The following PFKL variants were observed in gnomAD, a reference collection of about 807,000 sequenced individuals.
PFKL encodes the protein ATP-dependent 6-phosphofructokinase, liver type.
Under a neutral mutation model 92.1 loss-of-function variants are expected in PFKL, and 74 were observed. The observed-to-expected ratio is 0.80, with a 90% CI of 0.67 to 0.97. The LOEUF is 0.97. Ranked by LOEUF, PFKL falls within the 50% of genes least tolerant of loss-of-function variation. The pLI, the probability that PFKL is intolerant of heterozygous loss-of-function variation, is 0.00. For missense variants in PFKL, 1,028 were observed against 1,116.6 expected, an observed-to-expected ratio of 0.92 and a Z score of 1.13; for synonymous variants, 494 against 456.4, an observed-to-expected ratio of 1.08 and a Z score of -1.05.
chr21:44,319,797 T>TC, intron 11 of PFKL: 1 of 511,988 alleles, frequency 2.0e-6, no homozygotes, highest in East Asian at 3.3e-5. Context: ...ACGTCTGGGT[T>TC]CCCATGCGTG....
chr21:44,309,626 C>T (rs1352152114), intron 2 of PFKL, among the ~76,000 whole-genome samples: 2 of 152,166 alleles, frequency 1.3e-5, no homozygotes, highest in Non-Finnish European at 2.9e-5. Context: ...CTGGCTGGCG[C>T]CTGGGCTCTG....
intron 2 of PFKL, chr21:44,307,203 C>A: frequency 1.1e-6 from 1 of 904,552 alleles, no homozygotes; most frequent in Non-Finnish European, 1.3e-6. Flanking sequence ...CACCCAGACC[C>A]GGGGGGCAGC....
At chr21:44,318,688 T>C in intron 10 of PFKL, 93 bp downstream of exon 10, 1 of 1,186,916 alleles carries the variant, frequency 8.4e-7, no homozygotes, top group South Asian at 2.3e-5. Context: ...CCCAGCACTG[T>C]GAGCACCGGA....
At position 44,311,043 on chromosome 21, in the gene PFKL, A is replaced by T. The variant is rs1433758461; in HGVS notation, c.197A>T (p.Lys66Met). The part of the protein sequence containing the change: ...EGLVEGGENI[K>M]QANWLSVSNI... ...CTCGTGGAGGGAGGTGAGAACATCAAGCAGGCCAACTGGCTGAGCGTCTCC... is the reference window on the plus strand; with the variant it reads ...CTCGTGGAGGGAGGTGAGAACATCATGCAGGCCAACTGGCTGAGCGTCTCC... Residue 66 changes from lysine to methionine, a missense_variant, in exon 3 of 22, where the codon AAG becomes ATG. By Grantham distance (95) the Lys-to-Met change is moderately conservative (BLOSUM62 -1). Transcript: ENST00000349048. 6.2e-7 allele frequency: 1 copy of T among 1,613,208 alleles called. No individual in the cohort carries two copies. The highest frequency in any genetic ancestry group is 8.5e-7 in the Non-Finnish European group (1 of 1,179,658).
intron 11 of PFKL, chr21:44,319,830 C>G (rs1467668741): frequency 1.6e-5 from 8 of 514,038 alleles, no homozygotes; most frequent in African/African-American, 1.5e-4. Flanking sequence ...ACCAAGGTGG[C>G]CAACCCTCCC....
chr21:44,324,227 A>G (rs7279267), intron 16 of PFKL, among the ~76,000 whole-genome samples: 97,837 of 151,946 alleles, frequency 0.64, 32,326 homozygotes, highest in South Asian at 0.72. Context: ...CAAGGGTGCC[A>G]GGGACACCCC....
chr21:44,313,467 C>G (rs2047114430), intron 5 of PFKL, among the ~76,000 whole-genome samples, 171 bp from the exon 6 acceptor site: 2 of 152,234 alleles, frequency 1.3e-5, no homozygotes. Flanking sequence ...CGAAACCAGC[C>G]CAAAGGCTGG....
intron 1 of PFKL, among the ~76,000 whole-genome samples, chr21:44,301,828 G>A (rs1233449012): frequency 6.6e-6 from 1 of 152,206 alleles, no homozygotes; most frequent in African/African-American, 2.4e-5. Context: ...CATCAGCAGT[G>A]GAGGGTTGGG....
Position 44,316,273 on chromosome 21 carries a change from C to A in PFKL, c.777C>A (p.Ile259=). The change falls in exon 8 of 22, where the codon ATC becomes ATA. Residue 259 remains isoleucine (I), a synonymous_variant. Coordinates refer to ENST00000349048, the MANE Select transcript of PFKL (RefSeq NM_002626.6). ...ETRSRGSRLN[I]IIIAEGAIDR... is the part of the protein sequence containing the mutation. ...GGAGCCGTGGGTCCCGACTGAACATCATCATCATCGCTGAGGGTGCCATTG... is the reference window on the plus strand; with the variant it reads ...GGAGCCGTGGGTCCCGACTGAACATAATCATCATCGCTGAGGGTGCCATTG... 1 of 1,613,224 alleles carries A rather than the reference C, an allele frequency of 6.2e-7. No individual in the cohort carries two copies. The highest frequency in any genetic ancestry group is 8.5e-7 in the Non-Finnish European group (1 of 1,179,960).
chr21:44,302,390 G>T (rs1380119402), intron 1 of PFKL, among the ~76,000 whole-genome samples: 1 of 152,210 alleles, frequency 6.6e-6, no homozygotes, highest in Non-Finnish European at 1.5e-5. Context: ...CGAGTAGGAT[G>T]GGAGGAACTG....
chr21:44,302,548 G>T (rs1272187241), intron 1 of PFKL, among the ~76,000 whole-genome samples: 1 of 152,228 alleles, frequency 6.6e-6, no homozygotes, highest in East Asian at 1.9e-4. Flanking sequence ...TCCTAGAAAG[G>T]CTGACCCTGG....
Position 44,300,077 on chromosome 21 carries a change from C to G in PFKL, c.-29C>G, listed in dbSNP as rs2146399407. On this transcript the variant is annotated 5_prime_UTR_variant, in exon 1 of 22. Transcript: ENST00000349048. ...CGACGCGGCGCAGGCGGCGGGAGTG[C>G]GAGCTGGGCCCGTGTTTCGGCCGCC... 2 of 1,046,318 alleles carry G rather than the reference C, an allele frequency of 1.9e-6. No individual in the cohort carries two copies. The highest frequency in any genetic ancestry group is 2.3e-6 in the Non-Finnish European group (2 of 864,298). The allele number at this position is 1,046,318 out of a possible 1,614,324, so 64.8% of individuals were successfully genotyped here.
At chr21:44,312,501 A>C (rs1465071383) in intron 4 of PFKL, among the ~76,000 whole-genome samples, 1 of 152,132 alleles carries the variant, frequency 6.6e-6, no homozygotes, top group Admixed American at 6.5e-5. Context: ...CTCAAGCCTG[A>C]GGGAGGGCAC....
chr21:44,311,765 G>A (rs910528000), intron 3 of PFKL, among the ~76,000 whole-genome samples: 15 of 152,180 alleles, frequency 9.9e-5, no homozygotes, highest in Non-Finnish European at 8.8e-5. Context: ...GGTTCCCTGA[G>A]TTGGTACAGG....
At chr21:44,305,811 T>C (rs1210221969) in intron 1 of PFKL, 3 of 1,366,932 alleles carry the variant, frequency 2.2e-6, no homozygotes, top group Non-Finnish European at 2.9e-6. Flanking sequence ...AAACTGGCTT[T>C]GCCAAGGCCC....
chr21:44,307,204 G>A lies in PFKL; in HGVS notation c.159+450G>A, dbSNP rs547809746. ...GCCTCCTGCCTCACCACCCAGACCC[G>A]GGGGGCAGCCGCTGGCAGCAGCTCT... On this transcript the variant is annotated intron_variant, in intron 2 of 21. Transcript: ENST00000349048. 18 of 898,844 alleles carry A rather than the reference G, an allele frequency of 2.0e-5. No individual in the cohort carries two copies. The Admixed American group carries it at 3.1e-4, about 15-fold the overall frequency. 55.7% of individuals were successfully genotyped at this position (898,844 alleles called of 1,614,324 possible).
chr21:44,311,020 C>G lies in PFKL; in HGVS notation c.174C>G (p.Leu58=), dbSNP rs773646814. Residue 58 remains leucine, a synonymous_variant, in exon 3 of 22, where the codon CTC becomes CTG. Transcript: ENST00000349048. ...VFLIYEGYEG[L]VEGGENIKQA... is the part of the protein sequence containing the mutation. ...CTTGATTTCAGGGCTATGAGGGCCT[C>G]GTGGAGGGAGGTGAGAACATCAAGC... is the stretch of plus-strand genomic sequence containing the variant. 13 of 1,612,652 alleles carry G rather than the reference C, an allele frequency of 8.1e-6. No individual in the cohort carries two copies. The highest frequency in any genetic ancestry group is 1.7e-5 in the Admixed American group (1 of 59,888).
In PFKL at chr21:44,324,474, C is replaced by A. The variant is rs768238807; in HGVS notation, c.1651-17C>A. On this transcript the variant is annotated splice_polypyrimidine_tract_variant and intron_variant, in intron 16 of 21. Coordinates refer to ENST00000349048, the MANE Select transcript of PFKL (RefSeq NM_002626.6). Reference sequence around the variant, plus strand: ...GGTGGGCACGTGGAGGACCCCCGACCCCCCCTTGTCCCCCAGAGCTGTGAC... The same window carrying A: ...GGTGGGCACGTGGAGGACCCCCGACACCCCCTTGTCCCCCAGAGCTGTGAC... 6.2e-7 allele frequency: 1 copy of A among 1,612,284 alleles called. No individual in the cohort carries two copies. Among genetic ancestry groups the A allele is most frequent in the African/African-American group, 1.3e-5 (1 of 74,960 alleles).
intron 2 of PFKL, among the ~76,000 whole-genome samples, chr21:44,307,068 C>T (rs2040970327): frequency 6.6e-6 from 1 of 152,134 alleles, no homozygotes; most frequent in Non-Finnish European, 1.5e-5. Flanking sequence ...ACGGGCCAGG[C>T]CCCACCCACC....
Sources: allele counts gnomAD v4.1 joint callset (sites outside exome capture counted in the v4.1 genomes callset), GRCh38; gene constraint gnomAD v4.1.1; transcripts MANE v1.5; gene names NCBI Gene and HGNC (gene_info 2026-07-23, HGNC 2026-07-21).